The following RDX variants were observed in gnomAD, a reference collection of about 807,000 sequenced individuals.
RDX encodes deafness, autosomal recessive 24.
In RDX, 32 loss-of-function variants were observed where a neutral mutation model predicts 83.7. That is an observed-to-expected ratio of 0.38 (90% CI 0.29 to 0.51). The LOEUF (loss-of-function observed/expected upper bound fraction) is 0.51. Ranked by LOEUF, RDX falls within the 20% of genes least tolerant of loss-of-function variation. The pLI is 0.87. For missense variants in RDX, 600 were observed against 689.9 expected, an observed-to-expected ratio of 0.87 and a Z score of 1.46; for synonymous variants, 229 against 222.7, an observed-to-expected ratio of 1.03 and a Z score of -0.25.
chr11:110,223,472 G>A (rs1224424980), intron 14 of RDX, among the ~76,000 whole-genome samples: 1 of 152,070 alleles, frequency 6.6e-6, no homozygotes, highest in Non-Finnish European at 1.5e-5. Flanking sequence ...AAGTTGCAGT[G>A]CACCAAAATC....
intron 14 of RDX, among the ~76,000 whole-genome samples, chr11:110,213,198 G>A (rs537506444): frequency 7.3e-5 from 11 of 151,420 alleles, no homozygotes; most frequent in Admixed American, 5.3e-4. Flanking sequence ...ACCAACAACA[G>A]ACAAACAGAG....
chr11:110,271,710 G>A (rs1348667500), intron 3 of RDX, among the ~76,000 whole-genome samples: 3 of 151,988 alleles, frequency 2.0e-5, no homozygotes, highest in African/African-American at 7.3e-5. Context: ...TGAGAAGAAA[G>A]ATAAGATCAG....
intron 15 of RDX, among the ~76,000 whole-genome samples, chr11:110,187,380 G>A (rs572779099): frequency 2.2e-4 from 34 of 152,220 alleles, no homozygotes; most frequent in Admixed American, 1.6e-3. Context: ...TGCAGGAGGC[G>A]CTCTCTTTGC....
chr11:110,258,215 A>ATTT lies in RDX; in HGVS notation c.468-27_468-26insAAA, dbSNP rs779120031. ...CTAAGAGGACCAAAAAAAAAAAAAA[A>ATTT]TTATAATGACTTTAAGATTCAAAAG... On this transcript the variant is annotated intron_variant, in intron 5 of 13. Transcript: ENST00000645495. 23 of 1,368,258 alleles carry ATTT rather than the reference A, an allele frequency of 1.7e-5. No individual in the cohort carries two copies. In the South Asian group the frequency reaches 2.8e-4, roughly 16 times the overall value. The allele number at this position is 1,368,258 out of a possible 1,614,324, so 84.8% of individuals were successfully genotyped here. A position where few individuals can be genotyped will look rare whatever the true frequency, so the allele number is the denominator to read the frequency against.
Position 110,232,193 on chromosome 11 carries a change from G to C in RDX, c.1588-160C>G, listed in dbSNP as rs111413999. On this transcript the variant is annotated intron_variant, in intron 13 of 13. Coordinates refer to ENST00000645495, the MANE Select transcript of RDX (RefSeq NM_002906.4). The stretch of plus-strand genomic sequence containing the variant: ...TGTTTTAGTAATAGTGGTGGCAGTG[G>C]TAAGGGAGGAATACACATGGCCTTT... Among the ~76,000 whole-genome samples the C allele has an allele frequency of 9.1e-4, 139 of 152,240 alleles. 1 individual carries two copies. Among genetic ancestry groups the C allele is most frequent in the African/African-American group, 3.1e-3 (128 of 41,542 alleles).
chr11:110,248,238 A>G (rs1380550239), intron 9 of RDX, among the ~76,000 whole-genome samples: 2 of 152,200 alleles, frequency 1.3e-5, no homozygotes, highest in Non-Finnish European at 2.9e-5. Flanking sequence ...CTGAAATAAA[A>G]TAATAATAAT....
In RDX at chr11:110,181,414, G is replaced by A. The variant is rs535250533; in HGVS notation, c.*32-6180C>T. ...CCTGACCTCATGATCTGCCCGCCTC[G>A]GCCTCCCAGAGTGCTGGGATTGCAG... is the stretch of plus-strand genomic sequence containing the variant. On this transcript the variant is annotated intron_variant, in intron 15 of 15. Transcript: ENST00000528498. Among the ~76,000 whole-genome samples the A allele has an allele frequency of 5.3e-5, 8 of 152,130 alleles. No homozygotes were observed. The East Asian group carries it at 5.8e-4, about 11-fold the overall frequency.
In RDX at chr11:110,242,848, G is replaced by A. The variant is rs1030097398; in HGVS notation, c.1090+4855C>T. Among the ~76,000 whole-genome samples the A allele has an allele frequency of 4.6e-5, 7 of 151,244 alleles. No individual in the cohort carries two copies. In the South Asian group the frequency reaches 6.2e-4, roughly 13 times the overall value. ...GAGTTAGCAAACTATGGCTCATGGA[G>A]CAAACCCAATCCAATGCTTTTTTTT... On this transcript the variant is annotated intron_variant, in intron 10 of 13. Transcript: ENST00000645495.
intron 2 of RDX, chr11:110,273,056 G>A (rs1195187565): frequency 2.2e-6 from 1 of 456,170 alleles, no homozygotes; most frequent in Non-Finnish European, 4.4e-6. Context: ...GCAAGACTAT[G>A]AAAAATTTAA....
At chr11:110,248,070 G>A (rs757759056) in intron 9 of RDX, among the ~76,000 whole-genome samples, 4 of 152,060 alleles carry the variant, frequency 2.6e-5, no homozygotes, top group Non-Finnish European at 5.9e-5. Flanking sequence ...ATCGACTTTG[G>A]TGACTTGAGA....
At chr11:110,285,319 G>C (rs1167920033) in intron 1 of RDX, among the ~76,000 whole-genome samples, 1 of 152,004 alleles carries the variant, frequency 6.6e-6, no homozygotes, top group Non-Finnish European at 1.5e-5. Context: ...TGGGAGGCAG[G>C]GGCTGCAGTG....
chr11:110,268,604 A>G (rs1860157686), intron 3 of RDX, among the ~76,000 whole-genome samples: 1 of 152,170 alleles, frequency 6.6e-6, no homozygotes, highest in African/African-American at 2.4e-5. Context: ...GAGATTCACA[A>G]TGGTAAGTAA....
intron 15 of RDX, among the ~76,000 whole-genome samples, chr11:110,196,395 TC>T (rs1863211472): frequency 6.6e-6 from 1 of 151,978 alleles, no homozygotes; most frequent in African/African-American, 2.4e-5. Flanking sequence ...TAAAGGTGCG[TC>T]CACAAACTCT....
chr11:110,275,728 T>C (rs1860486383), intron 2 of RDX, among the ~76,000 whole-genome samples: 1 of 152,064 alleles, frequency 6.6e-6, no homozygotes, highest in Admixed American at 6.6e-5. Flanking sequence ...ACATTCTTAA[T>C]TTTAATGTTG....
chr11:110,221,389 GA>G (rs2134276615), intron 14 of RDX, among the ~76,000 whole-genome samples: 1 of 152,212 alleles, frequency 6.6e-6, no homozygotes, highest in Admixed American at 6.5e-5. Context: ...CTTGAGGCCA[GA>G]AGTTTGAGAC....
chr11:110,257,680 GAAACTACTTTGAAAAAC>G, intron 7 of RDX, 70 bp downstream of exon 7: 1 of 1,382,572 alleles, frequency 7.2e-7, no homozygotes, highest in Non-Finnish European at 1.0e-6. Flanking sequence ...ATCAAGACAA[GAAACTACTTTGAAAAAC>G]AGGACATAAG....
At chr11:110,217,360 A>T (rs1459914393) in intron 14 of RDX, among the ~76,000 whole-genome samples, 1 of 152,192 alleles carries the variant, frequency 6.6e-6, no homozygotes, top group Non-Finnish European at 1.5e-5. Flanking sequence ...TTCCTACTGG[A>T]AGTCAGTTCA....
chr11:110,209,105 G>C (rs7107823), intron 14 of RDX, among the ~76,000 whole-genome samples: 70,608 of 151,964 alleles, frequency 0.46, 16,878 homozygotes, highest in East Asian at 0.6. Context: ...GAGTGCCAGA[G>C]AGTGGGCACA....
rs796373402 is a variant in RDX, at chr11:110,204,500, C to CTT, written c.1749-4824_1749-4823dup. Among the ~76,000 whole-genome samples the CTT allele has an allele frequency of 3.3e-5, 4 of 120,928 alleles. No homozygotes were observed. In the South Asian group the frequency reaches 1.1e-3, roughly 32 times the overall value. 79.3% of individuals were successfully genotyped at this position (120,928 alleles called of 152,430 possible). A position where few individuals can be genotyped will look rare whatever the true frequency, so the allele number is the denominator to read the frequency against. On this transcript the variant is annotated intron_variant, in intron 14 of 15. Transcript: ENST00000528498. ...TGTACAGCTGTAATTACTTTTCTTT[C>CTT]TTTTTTTTTTTTCCTTTTTTTTTTT...
Sources: allele counts gnomAD v4.1 joint callset (sites outside exome capture counted in the v4.1 genomes callset), GRCh38; gene constraint gnomAD v4.1.1; transcripts MANE v1.5; gene names NCBI Gene and HGNC (gene_info 2026-07-23, HGNC 2026-07-21).